GAS2L3: variants seen among roughly 807,000 people sequenced by gnomAD.
The protein encoded by GAS2L3 is growth arrest specific 2 like 3.
In GAS2L3, 28 loss-of-function variants were observed where a neutral mutation model predicts 37.0. The ratio of observed to expected loss-of-function variants is 0.76; its 90% CI spans 0.56 to 1.04. The LOEUF (loss-of-function observed/expected upper bound fraction) is 1.04. Ranked by LOEUF, GAS2L3 falls within the 50% of genes least tolerant of loss-of-function variation. GAS2L3 has a pLI of 0.00. For synonymous variants in GAS2L3, 290 were observed against 296.6 expected (o/e 0.98, Z 0.23); for missense variants, 793 against 817.6 (o/e 0.97, Z 0.37).
intron 5 of GAS2L3, among the ~76,000 whole-genome samples, chr12:100,609,385 G>T (rs1373487004): frequency 2.6e-5 from 4 of 152,144 alleles, no homozygotes; most frequent in Non-Finnish European, 5.9e-5. Context: ...GATGAATCCT[G>T]CCAGGTCACT....
rs1450913659 is a variant in GAS2L3, at chr12:100,623,851, C to T, written c.1046C>T (p.Pro349Leu). ...IPKSKEKQGR[P>L]PGALVPASSL... is the part of the protein sequence containing the mutation. ...AAAAGCAAAGAAAAACAGGGACGTC[C>T]ACCAGGTGCATTGGTGCCAGCATCT... Residue 349 changes from proline (P) to leucine (L), a missense_variant, in exon 10 of 10, where the codon CCA (proline) becomes CTA (leucine). Pro to Leu is a moderately conservative substitution (Grantham distance 98). Coordinates refer to ENST00000547754, the MANE Select transcript of GAS2L3 (RefSeq NM_174942.3). 2.5e-6 allele frequency: 4 copies of T among 1,613,824 alleles called. No individual in the cohort carries two copies. The highest frequency in any genetic ancestry group is 1.3e-5 in the African/African-American group (1 of 74,892).
rs1316530830 is a variant in GAS2L3 at position 100,602,752 on chromosome 12, A to G, written c.303+999A>G. Among the ~76,000 whole-genome samples the G allele has an allele frequency of 3.3e-5, 5 of 151,994 alleles. No homozygotes were observed. In the South Asian group the frequency reaches 8.3e-4, roughly 25 times the overall value. On this transcript the variant is annotated intron_variant, in intron 5 of 9. Transcript: ENST00000547754. ...TAGGTCTTATTAATTCTTTCTAACTATATATTTTTTGCACCCTTAACCATC... is the reference window on the plus strand; with the variant it reads ...TAGGTCTTATTAATTCTTTCTAACTGTATATTTTTTGCACCCTTAACCATC...
intron 2 of GAS2L3, among the ~76,000 whole-genome samples, chr12:100,593,436 A>C (rs774957114): frequency 5.3e-5 from 8 of 152,166 alleles, no homozygotes; most frequent in Non-Finnish European, 1.0e-4. Context: ...TTGTGCATAA[A>C]TTCTTTATTT....
At chr12:100,601,614 C>A (rs751609839) in intron 4 of GAS2L3, 24 bp from the exon 5 acceptor site, 2 of 1,019,860 alleles carry the variant, frequency 2.0e-6, no homozygotes, top group South Asian at 1.3e-5. Context: ...CTAGAAGATT[C>A]TTAACTTTGA....
Position 100,623,880 on chromosome 12 carries a change from C to G in GAS2L3, c.1075C>G (p.Leu359Val). ...AGGTGCATTGGTGCCAGCATCTTCA[C>G]TGAAAGGAGGTAATCTGGGCTCTAT... The part of the protein sequence containing the change: ...PPGALVPASS[L>V]KGGNLGSMSV... The change falls in exon 10 of 10, where the codon CTG becomes GTG. Residue 359 changes from leucine to valine, a missense_variant. Transcript: ENST00000547754. 4.3e-6 allele frequency: 7 copies of G among 1,614,046 alleles called. No individual in the cohort carries two copies. Among genetic ancestry groups the G allele is most frequent in the Non-Finnish European group, 5.9e-6 (7 of 1,179,976 alleles).
chr12:100,624,732 A>G lies in GAS2L3; in HGVS notation c.1927A>G (p.Lys643Glu), dbSNP rs200536950. The change falls in exon 10 of 10, where the codon AAA becomes GAA. Residue 643 changes from lysine (K) to glutamate (E), a missense_variant. Lys to Glu is a moderately conservative substitution (Grantham distance 56, BLOSUM62 1). Transcript: ENST00000547754. ...QTVAKSQHST[K>E]GPPRSGKTPA... The stretch of plus-strand genomic sequence containing the variant: ...TGTCGCTAAGAGCCAGCATTCAACT[A>G]AAGGGCCTCCCAGAAGTGGCAAAAC... The G allele has an allele frequency of 1.0e-4, 166 of 1,614,034 alleles. No individual in the cohort carries two copies. Among genetic ancestry groups the G allele is most frequent in the Non-Finnish European group, 1.3e-4 (155 of 1,180,012 alleles).
chr12:100,587,823 C>T (rs1188038613), intron 1 of GAS2L3, among the ~76,000 whole-genome samples: 1 of 152,094 alleles, frequency 6.6e-6, no homozygotes, highest in Admixed American at 6.5e-5. Flanking sequence ...GAGGCTGAGG[C>T]GGGTGGATCA....
At chr12:100,621,362 T>C (rs1420563460) in intron 8 of GAS2L3, among the ~76,000 whole-genome samples, 1 of 152,122 alleles carries the variant, frequency 6.6e-6, no homozygotes, top group Non-Finnish European at 1.5e-5. Context: ...TTAATATATT[T>C]CCATTTCCAT....
intron 1 of GAS2L3, among the ~76,000 whole-genome samples, chr12:100,581,197 T>G (rs1051479599): frequency 2.6e-5 from 4 of 152,200 alleles, no homozygotes; most frequent in Non-Finnish European, 5.9e-5. Context: ...TCACTCTCCT[T>G]TGCTGTGGCC....
chr12:100,587,772 G>T (rs1354042095), intron 1 of GAS2L3, among the ~76,000 whole-genome samples: 2 of 152,176 alleles, frequency 1.3e-5, no homozygotes, highest in African/African-American at 4.8e-5. Context: ...GGGCATCCAG[G>T]CTGGGCGCGG....
chr12:100,622,163 A>G (rs1324585625), intron 8 of GAS2L3, 112 bp from the exon 9 acceptor site: 1 of 540,764 alleles, frequency 1.8e-6, no homozygotes, highest in Non-Finnish European at 3.3e-6. Context: ...AAATTATTGA[A>G]CCTGAAATTT....
At chr12:100,612,937 A>G (rs1426031423) in intron 6 of GAS2L3, among the ~76,000 whole-genome samples, 1 of 152,104 alleles carries the variant, frequency 6.6e-6, no homozygotes. Flanking sequence ...AAAATTCTCT[A>G]CTGACAGTAC....
Position 100,624,246 on chromosome 12 carries a change from T to C in GAS2L3, c.1441T>C (p.Ser481Pro). The C allele has an allele frequency of 6.2e-7, 1 of 1,614,064 alleles. No homozygotes were observed. Among genetic ancestry groups the C allele is most frequent in the Non-Finnish European group, 8.5e-7 (1 of 1,179,956 alleles). Residue 481 changes from serine (S) to proline (P), a missense_variant, in exon 10 of 10, where the codon TCC becomes CCC. Ser to Pro is a moderately conservative substitution (Grantham distance 74). Transcript: ENST00000547754. ...PKYLKHNHIS[S>P]RDNAVSHLAA... ...GTATTTGAAACATAATCATATTTCT[T>C]CCAGAGATAATGCAGTATCTCACTT...
chr12:100,584,964 C>T (rs1955761309), intron 1 of GAS2L3, among the ~76,000 whole-genome samples: 1 of 147,108 alleles, frequency 6.8e-6, no homozygotes, highest in East Asian at 2.0e-4. Context: ...TCTTGACTCC[C>T]TGCAAGCTCT....
chr12:100,606,593 TGAAGGTGA>T (rs1956059936), intron 5 of GAS2L3, among the ~76,000 whole-genome samples: 2 of 152,062 alleles, frequency 1.3e-5, no homozygotes, highest in Admixed American at 6.5e-5. Flanking sequence ...TTTCTTTTAG[TGAAGGTGA>T]TTTTCTCTGG....
chr12:100,627,824 G>T lies in GAS2L3; in HGVS notation c.*2934G>T, dbSNP rs945598513. On this transcript the variant is annotated 3_prime_UTR_variant, in exon 10 of 10. Coordinates refer to ENST00000547754, the MANE Select transcript of GAS2L3 (RefSeq NM_174942.3). ...TAAATTACTGAAGTACCTGGGAGAA[G>T]TAATGATGTGTACTTTCAAAAAAAT... The T allele has an allele frequency of 6.6e-6, 1 of 152,148 alleles. No individual in the cohort carries two copies. The highest frequency in any genetic ancestry group is 2.4e-5 in the African/African-American group (1 of 41,440). The allele number at this position is 152,148 out of a possible 1,614,324, so 9.4% of individuals were successfully genotyped here.
At chr12:100,620,613 T>C (rs2136575838) in intron 8 of GAS2L3, among the ~76,000 whole-genome samples, 1 of 152,156 alleles carries the variant, frequency 6.6e-6, no homozygotes, top group African/African-American at 2.4e-5. Context: ...TTTCTCTAAA[T>C]ATATGTGTGC....
intron 3 of GAS2L3, among the ~76,000 whole-genome samples, chr12:100,595,914 T>A (rs1259957660): frequency 6.6e-6 from 1 of 152,096 alleles, no homozygotes; most frequent in Non-Finnish European, 1.5e-5. Context: ...AGTACCTGTG[T>A]CATAAAAGTC....
At chr12:100,607,053 C>T (rs984281550) in intron 5 of GAS2L3, among the ~76,000 whole-genome samples, 9 of 152,142 alleles carry the variant, frequency 5.9e-5, no homozygotes, top group African/African-American at 2.2e-4. Context: ...TCTTATTGCT[C>T]ATTAACATCC....
Sources: gnomAD v4.1 joint callset for allele counts (sites outside exome capture counted in the v4.1 genomes callset) on GRCh38, gnomAD v4.1.1 for gene constraint, MANE v1.5 for transcripts, NCBI Gene and HGNC (gene_info 2026-07-23, HGNC 2026-07-21) for gene names.